PLCE1: variants seen among roughly 807,000 people sequenced by gnomAD.
PLCE1 encodes the protein 1-phosphatidylinositol 4,5-bisphosphate phosphodiesterase epsilon-1.
A neutral mutation model predicts 242.8 loss-of-function variants in PLCE1; 119 were observed. The ratio of observed to expected loss-of-function variants is 0.49; its 90% confidence interval spans 0.42 to 0.57. PLCE1 has a LOEUF of 0.57. PLCE1 is among the 20% of genes least tolerant of loss of function. The pLI, the probability that PLCE1 is intolerant of heterozygous loss-of-function variation, is 0.00. For synonymous variants in PLCE1, 945 were observed against 1,017.4 expected, an observed-to-expected ratio of 0.93 and a Z score of 1.35; for missense variants, 2,441 against 2,788.8, an observed-to-expected ratio of 0.88 and a Z score of 2.81.
rs1192757418 is a variant in PLCE1 at position 94,152,014 on chromosome 10, A to C, written c.1493-19166A>C. Among the ~76,000 whole-genome samples, 13 of 152,184 alleles carry C rather than the reference A, an allele frequency of 8.5e-5. No homozygotes were observed. The East Asian group carries it at 2.5e-3, about 29-fold the overall frequency. On this transcript the variant is annotated intron_variant, in intron 3 of 32. Coordinates refer to ENST00000371380, the MANE Select transcript of PLCE1 (RefSeq NM_016341.4). ...TCTCACCATATACAGAAATTAACTC[A>C]AGATGGATTAAAGACTTAAATGTAA... is the stretch of plus-strand genomic sequence containing the variant.
chr10:94,123,660 A>G (rs983410286), intron 2 of PLCE1, among the ~76,000 whole-genome samples: 4 of 152,162 alleles, frequency 2.6e-5, no homozygotes, highest in Admixed American at 2.0e-4. Flanking sequence ...ATATCATTGC[A>G]TTTTGTTTAC....
chr10:94,246,463 A>G lies in PLCE1; in HGVS notation c.2938A>G (p.Thr980Ala), dbSNP rs770488694. The change falls in exon 8 of 33, where the codon ACC becomes GCC. Residue 980 changes from threonine (T) to alanine (A), a missense_variant. Thr to Ala is a moderately conservative substitution (Grantham distance 58). Coordinates refer to ENST00000371380, the MANE Select transcript of PLCE1 (RefSeq NM_016341.4). Reference sequence around the variant, plus strand: ...TGTGACATTGCTCTATGGGCTTCAGACCACAGACAACAGATTATTGCACTT... The same window carrying G: ...TGTGACATTGCTCTATGGGCTTCAGGCCACAGACAACAGATTATTGCACTT... ...TGVTLLYGLQ[T>A]TDNRLLHFVA... The G allele has an allele frequency of 8.7e-6, 14 of 1,614,064 alleles. No individual in the cohort carries two copies. Among genetic ancestry groups the G allele is most frequent in the Non-Finnish European group, 1.2e-5 (14 of 1,180,026 alleles).
At position 94,246,253 on chromosome 10, in the gene PLCE1, G is replaced by A. The variant is rs61751497; in HGVS notation, c.2728G>A (p.Val910Ile). The A allele has an allele frequency of 6.4e-4, 1,036 of 1,614,202 alleles. 5 individuals carry two copies. In the African/African-American group the frequency reaches 7.0e-3, roughly 11 times the overall value. Residue 910 changes from valine to isoleucine, a missense_variant, in exon 8 of 33, where the codon GTA becomes ATA. Physicochemically the swap from Val to Ile is conservative, Grantham distance 29. Around this residue, in one of 5 missense-constraint regions of PLCE1, gnomAD observed 733 missense variants for 754.2 expected, o/e 0.97. Transcript: ENST00000371380. ...SPASSKAKLG[V>I]LNNTAEPGKF... Reference sequence around the variant, plus strand: ...AGCCAGCAGTAAAGCAAAACTTGGTGTACTTAATAACACAGCTGAGCCTGG... The same window carrying A: ...AGCCAGCAGTAAAGCAAAACTTGGTATACTTAATAACACAGCTGAGCCTGG...
chr10:94,062,582 G>GTTTTTTTTTTTTTTTTTT (rs5787099), intron 2 of PLCE1, among the ~76,000 whole-genome samples: 3 of 142,348 alleles, frequency 2.1e-5, no homozygotes, highest in African/African-American at 2.6e-5. Flanking sequence ...TCTTGGTTTT[G>GTTTTTTTTTTTTTTTTTT]TTTTTTTTTT....
chr10:94,267,146 T>C lies in PLCE1; in HGVS notation c.4281+1188T>C, dbSNP rs539670924. On this transcript the variant is annotated intron_variant, in intron 16 of 32. Coordinates refer to ENST00000371380, the MANE Select transcript of PLCE1 (RefSeq NM_016341.4). ...ATATAAATACAGATACTTATATATA[T>C]TTCATATACACATTTGTAGGTACAC... Among the ~76,000 whole-genome samples the C allele has an allele frequency of 1.1e-4, 16 of 152,332 alleles. No homozygotes were observed. The South Asian group carries it at 2.5e-3, about 24-fold the overall frequency.
chr10:94,031,718 G>A lies in PLCE1; in HGVS notation c.672G>A (p.Glu224=), dbSNP rs567480367. 6.2e-7 allele frequency: 1 copy of A among 1,613,794 alleles called. No individual in the cohort carries two copies. Among genetic ancestry groups the A allele is most frequent in the Non-Finnish European group, 8.5e-7 (1 of 1,179,874 alleles). ...GNCVPLPGGE[E]KQKKNYVAYT... Reference sequence around the variant, plus strand: ...GTGTACCACTACCTGGGGGTGAGGAGAAGCAAAAGAAAAACTATGTGGCAT... The same window carrying A: ...GTGTACCACTACCTGGGGGTGAGGAAAAGCAAAAGAAAAACTATGTGGCAT... The change falls in exon 2 of 33, where the codon GAG becomes GAA. Residue 224 remains glutamate (E), a synonymous_variant. Coordinates refer to ENST00000371380, the MANE Select transcript of PLCE1 (RefSeq NM_016341.4).
At chr10:94,040,948 T>C (rs370550033) in intron 2 of PLCE1, among the ~76,000 whole-genome samples, 1 of 152,212 alleles carries the variant, frequency 6.6e-6, no homozygotes, top group African/African-American at 2.4e-5. Flanking sequence ...TGTCTGTTGG[T>C]GCTTTTACCC....
At chr10:94,226,348 T>C (rs1456324315) in intron 4 of PLCE1, among the ~76,000 whole-genome samples, 1 of 152,188 alleles carries the variant, frequency 6.6e-6, no homozygotes, top group Non-Finnish European at 1.5e-5. Flanking sequence ...GAAGACACCC[T>C]AAGTTCAAAC....
At chr10:94,188,539 C>T (rs941027094) in intron 4 of PLCE1, among the ~76,000 whole-genome samples, 16 of 152,290 alleles carry the variant, frequency 1.1e-4, no homozygotes, top group African/African-American at 3.6e-4. Flanking sequence ...TACTGTCCAT[C>T]ACTGCTGACT....
At position 94,331,928 on chromosome 10, in the gene PLCE1, G is replaced by A. The variant is rs921773468; in HGVS notation, c.*3985G>A. 3 of 148,630 alleles carry A rather than the reference G, an allele frequency of 2.0e-5. No homozygotes were observed. The highest frequency in any genetic ancestry group is 7.5e-5 in the African/African-American group (3 of 40,240). The allele number at this position is 148,630 out of a possible 1,614,324, so 9.2% of individuals were successfully genotyped here. A position where few individuals can be genotyped will look rare whatever the true frequency, so the allele number is the denominator to read the frequency against. ...ACTCTGTTGCCCAGCCTGGAGTGCA[G>A]TGGTACGATCTCGACTCACCACAAC... On this transcript the variant is annotated 3_prime_UTR_variant, in exon 33 of 33. Coordinates refer to ENST00000371380, the MANE Select transcript of PLCE1 (RefSeq NM_016341.4).
chr10:94,070,098 C>T (rs932588957), intron 2 of PLCE1, among the ~76,000 whole-genome samples: 2 of 152,194 alleles, frequency 1.3e-5, no homozygotes, highest in African/African-American at 4.8e-5. Flanking sequence ...CTGTACCCTA[C>T]AGCCACAGGC....
intron 3 of PLCE1, among the ~76,000 whole-genome samples, chr10:94,147,834 T>C (rs1269831457): frequency 1.3e-5 from 2 of 152,154 alleles, no homozygotes; most frequent in African/African-American, 2.4e-5. Context: ...TAGCACAATA[T>C]AGGAAACATT....
intron 2 of PLCE1, among the ~76,000 whole-genome samples, chr10:94,054,317 G>A (rs1017777708): frequency 6.6e-6 from 1 of 152,148 alleles, no homozygotes; most frequent in African/African-American, 2.4e-5. Context: ...AGACTCCCTT[G>A]CAGTTAGATG....
chr10:94,097,017 C>T (rs1031162530), intron 2 of PLCE1: 8 of 152,116 alleles, frequency 5.3e-5, no homozygotes, highest in African/African-American at 1.9e-4. Flanking sequence ...AAAGAAAGTA[C>T]CAAGAAGTTT....
intron 4 of PLCE1, among the ~76,000 whole-genome samples, chr10:94,190,874 A>G (rs1440462568): frequency 1.3e-5 from 2 of 152,164 alleles, no homozygotes; most frequent in African/African-American, 2.4e-5. Context: ...ACAGTTTTGG[A>G]ATAATTGTTA....
chr10:94,235,075 C>CAA (rs2050272767), intron 6 of PLCE1, among the ~76,000 whole-genome samples: 2 of 150,884 alleles, frequency 1.3e-5, no homozygotes, highest in Non-Finnish European at 3.0e-5. Context: ...CACACACACA[C>CAA]ACACACACAC....
intron 4 of PLCE1, among the ~76,000 whole-genome samples, chr10:94,211,957 T>C (rs943275186): frequency 1.3e-5 from 2 of 152,148 alleles, no homozygotes; most frequent in South Asian, 2.1e-4. Context: ...TTAATTAATG[T>C]TCCTTTGAAA....
intron 7 of PLCE1, among the ~76,000 whole-genome samples, chr10:94,242,168 C>T (rs1257404291): frequency 6.6e-6 from 1 of 152,100 alleles, no homozygotes; most frequent in Non-Finnish European, 1.5e-5. Context: ...AGAGCAATTT[C>T]AGAGGGATGG....
At chr10:94,226,831 C>CTCTCTTTTTT (rs67656949) in intron 4 of PLCE1, among the ~76,000 whole-genome samples, 1 of 101,818 alleles carries the variant, frequency 9.8e-6, no homozygotes, top group South Asian at 3.3e-4. Context: ...ACCTATAGGT[C>CTCTCTTTTTT]TTTTTTTTTT....
Sources: gnomAD v4.1 joint callset for allele counts (sites outside exome capture counted in the v4.1 genomes callset) on GRCh38, gnomAD v4.1.1 for gene constraint, gnomAD v4.1.1 regional missense constraint, MANE v1.5 for transcripts, NCBI Gene and HGNC (gene_info 2026-07-23, HGNC 2026-07-21) for gene names.